The following IL1RL2 variants were observed in gnomAD, a reference collection of about 807,000 sequenced individuals.
The protein encoded by IL1RL2 is interleukin 1 receptor like 2, also known as interleukin-1 receptor-like 2.
In IL1RL2, 68 loss-of-function variants were observed where a neutral mutation model predicts 66.8. That is an observed-to-expected ratio of 1.02 (90% confidence interval 0.84 to 1.25). The LOEUF (loss-of-function observed/expected upper bound fraction) is 1.25. Among genes scored for constraint, IL1RL2 ranks in the 50% most tolerant of loss-of-function variants. IL1RL2 has a pLI of 0.00. For synonymous variants in IL1RL2, 305 were observed against 264.6 expected, an observed-to-expected ratio of 1.15 and a Z score of -1.48; for missense variants, 729 against 709.3, an observed-to-expected ratio of 1.03 and a Z score of -0.32.
intron 4 of IL1RL2, among the ~76,000 whole-genome samples, chr2:102,196,764 T>C (rs1687821839): frequency 6.6e-6 from 1 of 151,942 alleles, no homozygotes; most frequent in South Asian, 2.1e-4. Context: ...TGCAAAGGCG[T>C]TGGGTGAGAA....
intron 11 of IL1RL2, among the ~76,000 whole-genome samples, chr2:102,237,735 A>C (rs1228102590): frequency 6.6e-6 from 1 of 152,236 alleles, no homozygotes; most frequent in Admixed American, 6.5e-5. Flanking sequence ...GTAGCCTGGC[A>C]TCACCGCTGA....
At chr2:102,203,344 CT>C (rs796961247) in intron 5 of IL1RL2, among the ~76,000 whole-genome samples, 896 of 76,544 alleles carry the variant, frequency 0.012, 5 homozygotes, top group African/African-American at 0.025. Flanking sequence ...TTTTCTCTCT[CT>C]TTTTTTTTTT....
At chr2:102,187,378 G>A (rs1035518073) in intron 1 of IL1RL2, 5 of 1,153,184 alleles carry the variant, frequency 4.3e-6, no homozygotes, top group African/African-American at 1.6e-5. Context: ...GTGAGCGGGT[G>A]TTTGGGGTTT....
chr2:102,235,143 G>A lies in IL1RL2; in HGVS notation c.1544G>A (p.Gly515Glu). Residue 515 changes from glycine (G) to glutamate (E), a missense_variant, in exon 11 of 12, where the codon GGG becomes GAG. Transcript: ENST00000264257. Reference protein sequence around the residue: ...KQKHGAIRWHGDFTEQSQCMK... With the variant: ...KQKHGAIRWHEDFTEQSQCMK... ...AAGCATGGTGCCATCCGGTGGCATG[G>A]GGACTTCACGGAGCAGTCACAGTGT... 6.2e-7 allele frequency: 1 copy of A among 1,614,178 alleles called. No individual in the cohort carries two copies. The highest frequency in any genetic ancestry group is 8.5e-7 in the Non-Finnish European group (1 of 1,180,024).
rs1675132678 is a variant in IL1RL2, at chr2:102,239,323, C to T, written c.*82C>T. The T allele has an allele frequency of 6.8e-6, 9 of 1,317,854 alleles. No individual in the cohort carries two copies. The highest frequency in any genetic ancestry group is 2.9e-5 in the African/African-American group (2 of 69,054). The allele number at this position is 1,317,854 out of a possible 1,614,324, so 81.6% of individuals were successfully genotyped here. On this transcript the variant is annotated 3_prime_UTR_variant, in exon 12 of 12. Coordinates refer to ENST00000264257, the MANE Select transcript of IL1RL2 (RefSeq NM_003854.4). ...TCATTCCTACACCTATTTTCTGCTGCAGGATGAGGCTAGGGTTAGCATTCT... is the reference window on the plus strand; with the variant it reads ...TCATTCCTACACCTATTTTCTGCTGTAGGATGAGGCTAGGGTTAGCATTCT...
rs79885158 is a variant in IL1RL2, at chr2:102,220,711, G to A, written c.991+694G>A. ...TGTGTGTGTGTGTGTGTTTGCACAC[G>A]CACGTGTGTGGCTAGCTACATGCAA... On this transcript the variant is annotated intron_variant, in intron 8 of 11. Coordinates refer to ENST00000264257, the MANE Select transcript of IL1RL2 (RefSeq NM_003854.4). Among the ~76,000 whole-genome samples the A allele has an allele frequency of 7.0e-4, 103 of 146,796 alleles. 1 individual carries two copies. Among genetic ancestry groups the A allele is most frequent in the African/African-American group, 2.3e-3 (94 of 41,010 alleles).
At chr2:102,213,485 C>A (rs1282364461) in intron 6 of IL1RL2, among the ~76,000 whole-genome samples, 2 of 151,736 alleles carry the variant, frequency 1.3e-5, no homozygotes, top group Non-Finnish European at 1.5e-5. Context: ...CACATCGTAC[C>A]CATAAATATA....
chr2:102,241,281 T>C (rs915932268), downstream of IL1RL2, among the ~76,000 whole-genome samples: 3 of 152,150 alleles, frequency 2.0e-5, no homozygotes, highest in African/African-American at 4.8e-5. Flanking sequence ...TGAGTGGGGA[T>C]CAGCAGGCCC....
chr2:102,214,827 T>C (rs547035224), intron 6 of IL1RL2, among the ~76,000 whole-genome samples: 3 of 152,344 alleles, frequency 2.0e-5, no homozygotes, highest in Admixed American at 2.0e-4. Context: ...AATTGCTGAC[T>C]AGGGGCTCCT....
chr2:102,187,969 ACAGG>A, intron 2 of IL1RL2, 44 bp downstream of exon 2: 1 of 1,582,970 alleles, frequency 6.3e-7, no homozygotes, highest in Non-Finnish European at 8.7e-7. Context: ...GCCCGAGTCC[ACAGG>A]CTCCTGGCCT....
rs776808397 is a variant in IL1RL2, at chr2:102,233,127, G to C, written c.1297+3G>C. On this transcript the variant is annotated splice_donor_region_variant and intron_variant, in intron 10 of 11. Coordinates refer to ENST00000264257, the MANE Select transcript of IL1RL2 (RefSeq NM_003854.4). ...CAGAGATGAATTCCCTGGACAAGGT[G>C]GGTTTTAAGTGAGGTGTAAAAATAA... is the stretch of plus-strand genomic sequence containing the variant. The C allele has an allele frequency of 1.2e-6, 2 of 1,608,500 alleles. No individual in the cohort carries two copies. Among genetic ancestry groups the C allele is most frequent in the Non-Finnish European group, 1.7e-6 (2 of 1,175,504 alleles).
At chr2:102,207,130 C>T (rs1308275537) in intron 5 of IL1RL2, among the ~76,000 whole-genome samples, 1 of 152,162 alleles carries the variant, frequency 6.6e-6, no homozygotes, top group African/African-American at 2.4e-5. Context: ...CTGGGACTCA[C>T]TCTTCAGGGC....
chr2:102,234,845 C>T (rs2104897217), intron 10 of IL1RL2, 52 bp from the exon 11 acceptor site: 1 of 1,509,974 alleles, frequency 6.6e-7, no homozygotes, highest in Non-Finnish European at 9.1e-7. Flanking sequence ...AGCATTAAGA[C>T]CCGGGCTGTT....
chr2:102,187,809 C>A (rs763472146), intron 1 of IL1RL2, 47 bp from the exon 2 acceptor site: 6 of 1,518,662 alleles, frequency 4.0e-6, no homozygotes, highest in East Asian at 2.3e-5. Flanking sequence ...GCCTCGGGCC[C>A]GCCCTACTGC....
At chr2:102,241,778 A>G (rs1460759239), downstream of IL1RL2, among the ~76,000 whole-genome samples, 3 of 152,266 alleles carry the variant, frequency 2.0e-5, no homozygotes, top group African/African-American at 4.8e-5. Flanking sequence ...GTTGTTAGAC[A>G]TGGCCCCAGG....
chr2:102,202,890 T>C (rs906905546), intron 5 of IL1RL2, among the ~76,000 whole-genome samples: 9 of 152,324 alleles, frequency 5.9e-5, no homozygotes, highest in African/African-American at 2.2e-4. Flanking sequence ...TTGTCTGATT[T>C]CTCTAGCTAG....
At chr2:102,229,814 G>C (rs1156595868) in intron 9 of IL1RL2, among the ~76,000 whole-genome samples, 1 of 152,208 alleles carries the variant, frequency 6.6e-6, no homozygotes, top group Non-Finnish European at 1.5e-5. Flanking sequence ...TTTTTCAAAG[G>C]TGTGAGACTT....
intron 4 of IL1RL2, among the ~76,000 whole-genome samples, chr2:102,201,053 A>G (rs1428765107): frequency 6.6e-6 from 1 of 152,090 alleles, no homozygotes; most frequent in Non-Finnish European, 1.5e-5. Context: ...GTTGTTATTC[A>G]CCTGGGTTTC....
intron 9 of IL1RL2, among the ~76,000 whole-genome samples, chr2:102,232,148 G>A (rs1186307806): frequency 6.9e-6 from 1 of 144,046 alleles, no homozygotes; most frequent in Non-Finnish European, 1.5e-5. Flanking sequence ...TTTTGCTCTT[G>A]TTGCCCAGGC....
Sources: allele counts gnomAD v4.1 joint callset (sites outside exome capture counted in the v4.1 genomes callset), GRCh38; gene constraint gnomAD v4.1.1; transcripts MANE v1.5; gene names NCBI Gene and HGNC (gene_info 2026-07-23, HGNC 2026-07-21).